The following RCAN2 variants were observed in gnomAD, a reference collection of about 807,000 sequenced individuals.
The protein encoded by RCAN2 is calcipressin-2.
In RCAN2, 9 loss-of-function variants were observed where a neutral mutation model predicts 23.6. The observed-to-expected ratio is 0.38, with a 90% confidence interval of 0.23 to 0.67. The LOEUF (loss-of-function observed/expected upper bound fraction) is 0.67, where lower values mean the gene tolerates loss of function less well. Among genes scored for constraint, RCAN2 ranks in the 30% least tolerant of loss-of-function variants. The pLI is 0.51. For missense variants in RCAN2, 273 were observed against 302.3 expected, an observed-to-expected ratio of 0.90 and a Z score of 0.72; for synonymous variants, 109 against 115.7, an observed-to-expected ratio of 0.94 and a Z score of 0.37.
intron 2 of RCAN2, among the ~76,000 whole-genome samples, chr6:46,329,239 T>C (rs774734339): frequency 2.6e-5 from 4 of 152,200 alleles, no homozygotes; most frequent in Non-Finnish European, 5.9e-5. Flanking sequence ...TCCGCTCAGA[T>C]CACATCTCTT....
intron 1 of RCAN2, among the ~76,000 whole-genome samples, chr6:46,488,601 C>T (rs1386803181): frequency 6.6e-6 from 1 of 152,090 alleles, no homozygotes; most frequent in Non-Finnish European, 1.5e-5. Context: ...AGGTTAGCAC[C>T]AGAAATGAAG....
upstream of RCAN2, chr6:46,491,883 C>T (rs1769165552): frequency 6.6e-6 from 1 of 152,272 alleles, no homozygotes; most frequent in African/African-American, 2.4e-5. Flanking sequence ...ATGTCTGAGC[C>T]CCCCGACTCT....
At chr6:46,479,516 C>A (rs1768798234) in intron 1 of RCAN2, among the ~76,000 whole-genome samples, 1 of 151,420 alleles carries the variant, frequency 6.6e-6, no homozygotes, top group African/African-American at 2.4e-5. Context: ...ATATTGAAAA[C>A]CTCAACACAG....
intron 2 of RCAN2, among the ~76,000 whole-genome samples, chr6:46,447,600 C>T (rs1767752734): frequency 1.3e-5 from 2 of 151,702 alleles, no homozygotes; most frequent in Non-Finnish European, 3.0e-5. Context: ...TATTAGAGCA[C>T]AAAAAGGTCT....
intron 2 of RCAN2, among the ~76,000 whole-genome samples, chr6:46,266,413 T>C (rs1767329400): frequency 6.6e-6 from 1 of 152,166 alleles, no homozygotes; most frequent in Non-Finnish European, 1.5e-5. Context: ...TTCTCCCCAC[T>C]ACAAAGAGGG....
chr6:46,446,980 C>T (rs1767731704), intron 2 of RCAN2, among the ~76,000 whole-genome samples: 1 of 152,014 alleles, frequency 6.6e-6, no homozygotes, highest in Admixed American at 6.6e-5. Flanking sequence ...CTAATAAATT[C>T]TTACCTATCA....
At chr6:46,429,580 T>C (rs988269374) in intron 2 of RCAN2, among the ~76,000 whole-genome samples, 1 of 152,158 alleles carries the variant, frequency 6.6e-6, no homozygotes, top group African/African-American at 2.4e-5. Flanking sequence ...TCTCTATCAG[T>C]ACAAGCAGAA....
intron 1 of RCAN2, among the ~76,000 whole-genome samples, chr6:46,469,130 A>T (rs896846440): frequency 9.2e-5 from 14 of 152,092 alleles, no homozygotes; most frequent in Admixed American, 6.5e-4. Context: ...TCCCATCTAG[A>T]TGGAGCTGTC....
rs202226218 is a variant in RCAN2 at position 46,458,887 on chromosome 6, G to GCA, written c.-2-1910_-2-1909insTG. On this transcript the variant is annotated intron_variant, in intron 1 of 4. Coordinates refer to ENST00000371374, the MANE Select transcript of RCAN2 (RefSeq NM_001251974.2). ...TTTCATTAATAGTTTACAGGAAAAC[G>GCA]CGCGCGCACGTGTGTGTGTGTGTGA... 1.7e-3 allele frequency among the ~76,000 whole-genome samples: 218 copies of GCA among 125,844 alleles called. 3 individuals are homozygous for GCA. Among genetic ancestry groups the GCA allele is most frequent in the Admixed American group, 0.016 (203 of 12,350 alleles). The allele number at this position is 125,844 out of a possible 152,430, so 82.6% of individuals were successfully genotyped here.
intron 1 of RCAN2, among the ~76,000 whole-genome samples, chr6:46,462,608 T>C (rs567835699): frequency 1.3e-5 from 2 of 151,902 alleles, no homozygotes; most frequent in Non-Finnish European, 2.9e-5. Context: ...TAATAAATGT[T>C]GTATGAATAA....
rs61086538 is a variant in RCAN2 at position 46,448,550 on chromosome 6, C to T, written c.225+8202G>A. ...GACAAGAAAATTATAGACCAATATCCCTAATGAACACAGATACAAAAATCA... is the reference window on the plus strand; with the variant it reads ...GACAAGAAAATTATAGACCAATATCTCTAATGAACACAGATACAAAAATCA... On this transcript the variant is annotated intron_variant, in intron 2 of 4. Transcript: ENST00000371374. Among the ~76,000 whole-genome samples the T allele has an allele frequency of 5.4e-3, 827 of 151,862 alleles. 8 individuals are homozygous for T. Among genetic ancestry groups the T allele is most frequent in the African/African-American group, 0.019 (768 of 41,510 alleles).
Position 46,276,931 on chromosome 6 carries a change from C to G in RCAN2, c.226-28035G>C, listed in dbSNP as rs558709149. On this transcript the variant is annotated intron_variant, in intron 2 of 4. Coordinates refer to ENST00000371374, the MANE Select transcript of RCAN2 (RefSeq NM_001251974.2). ...GCCTCCAAACAGATGCCTGGGTTGA[C>G]TTCCCCTGAAACTAGGTGTGAGTTT... Among the ~76,000 whole-genome samples, 145 of 152,340 alleles carry G rather than the reference C, an allele frequency of 9.5e-4. 1 individual carries two copies. The highest frequency in any genetic ancestry group is 3.2e-3 in the African/African-American group (135 of 41,576).
At chr6:46,477,076 T>C (rs1242170361) in intron 1 of RCAN2, among the ~76,000 whole-genome samples, 1 of 152,148 alleles carries the variant, frequency 6.6e-6, no homozygotes, top group African/African-American at 2.4e-5. Context: ...CATCTCAACT[T>C]GCAGGGGGAC....
At chr6:46,352,499 C>T (rs1204540803) in intron 2 of RCAN2, among the ~76,000 whole-genome samples, 3 of 152,144 alleles carry the variant, frequency 2.0e-5, no homozygotes, top group Non-Finnish European at 2.9e-5. Flanking sequence ...CGGCCTCTCC[C>T]CTTGGCTGAT....
chr6:46,265,247 T>C (rs914530382), intron 2 of RCAN2, among the ~76,000 whole-genome samples: 7 of 152,152 alleles, frequency 4.6e-5, no homozygotes, highest in Non-Finnish European at 8.8e-5. Context: ...AATTGGATCG[T>C]ATTGATGAAA....
rs70996369 is a variant in RCAN2 at position 46,418,695 on chromosome 6, G to GTATATATA, written c.225+38049_225+38056dup. ...AATCATCTCTAAAATATGTGTGTGT[G>GTATATATA]TATATATATATATATATATATATAT... On this transcript the variant is annotated intron_variant, in intron 2 of 4. Coordinates refer to ENST00000371374, the MANE Select transcript of RCAN2 (RefSeq NM_001251974.2). Among the ~76,000 whole-genome samples the GTATATATA allele has an allele frequency of 6.0e-3, 732 of 121,268 alleles. 11 individuals carry two copies. Among genetic ancestry groups the GTATATATA allele is most frequent in the South Asian group, 0.02 (69 of 3,404 alleles). The allele number at this position is 121,268 out of a possible 152,430, so 79.6% of individuals were successfully genotyped here.
At chr6:46,362,230 G>C (rs1194000348) in intron 2 of RCAN2, among the ~76,000 whole-genome samples, 2 of 151,964 alleles carry the variant, frequency 1.3e-5, no homozygotes, top group Admixed American at 1.3e-4. Flanking sequence ...ATTTAAGTAG[G>C]GAAAAAAATA....
chr6:46,376,889 A>C (rs1253524562), intron 2 of RCAN2, among the ~76,000 whole-genome samples: 1 of 142,062 alleles, frequency 7.0e-6, no homozygotes, highest in Non-Finnish European at 1.5e-5. Flanking sequence ...CCACAGCTGT[A>C]TTAAGTTTTA....
chr6:46,232,790 CAA>C (rs35457944), intron 4 of RCAN2, among the ~76,000 whole-genome samples: 2 of 89,200 alleles, frequency 2.2e-5, no homozygotes. Context: ...AAGACTGTCT[CAA>C]AAAAAAAAAA....
Sources: allele counts gnomAD v4.1 joint callset (sites outside exome capture counted in the v4.1 genomes callset), GRCh38; gene constraint gnomAD v4.1.1; transcripts MANE v1.5; gene names NCBI Gene and HGNC (gene_info 2026-07-23, HGNC 2026-07-21).